The following HECW2 variants were observed in gnomAD, a reference collection of about 807,000 sequenced individuals.
HECW2 encodes HECT, C2 and WW domain containing E3 ubiquitin protein ligase 2, also known as E3 ubiquitin-protein ligase HECW2.
Under a neutral mutation model 175.2 loss-of-function variants are expected in HECW2, and 61 were observed. The observed-to-expected ratio is 0.35, with a 90% confidence interval of 0.28 to 0.43. The LOEUF is 0.43. Among genes scored for constraint, HECW2 ranks in the 20% least tolerant of loss-of-function variants. The pLI is 1.00. For missense variants in HECW2, 1,524 were observed against 2,000.5 expected, an observed-to-expected ratio of 0.76 and a Z score of 4.54; for synonymous variants, 671 against 731.0, an observed-to-expected ratio of 0.92 and a Z score of 1.32.
chr2:196,353,087 T>C (rs973408717), intron 2 of HECW2, among the ~76,000 whole-genome samples: 1 of 152,110 alleles, frequency 6.6e-6, no homozygotes, highest in African/African-American at 2.4e-5. Context: ...CCTCACCCTT[T>C]CCTACTTTCC....
At chr2:196,463,146 T>C (rs1023261360) in intron 1 of HECW2, among the ~76,000 whole-genome samples, 4 of 152,164 alleles carry the variant, frequency 2.6e-5, no homozygotes, top group African/African-American at 4.8e-5. Flanking sequence ...AAAAACCCTG[T>C]TGGGTGTATA....
intron 2 of HECW2, among the ~76,000 whole-genome samples, chr2:196,355,197 T>C (rs1031771666): frequency 1.3e-5 from 2 of 152,220 alleles, no homozygotes; most frequent in Admixed American, 1.3e-4. Context: ...AGGAATGAGG[T>C]GTTCTTTGTA....
chr2:196,227,616 C>T (rs1687901839), intron 22 of HECW2, among the ~76,000 whole-genome samples: 1 of 152,186 alleles, frequency 6.6e-6, no homozygotes, highest in Non-Finnish European at 1.5e-5. Flanking sequence ...ACCATCATTA[C>T]CAGAGTTGAG....
chr2:196,302,722 C>G (rs1323504865), intron 13 of HECW2, among the ~76,000 whole-genome samples: 1 of 152,038 alleles, frequency 6.6e-6, no homozygotes, highest in African/African-American at 2.4e-5. Flanking sequence ...CTCTGCTTGC[C>G]TGTTGTTGGT....
At chr2:196,337,574 A>AT (rs59347400) in intron 3 of HECW2, among the ~76,000 whole-genome samples, 28,886 of 95,226 alleles carry the variant, frequency 0.3, 3,062 homozygotes, top group Middle Eastern at 0.45. Context: ...AAAATAAAAA[A>AT]ATATATATAT....
At chr2:196,539,191 G>A (rs1689122547) in intron 1 of HECW2, among the ~76,000 whole-genome samples, 1 of 152,040 alleles carries the variant, frequency 6.6e-6, no homozygotes, top group Non-Finnish European at 1.5e-5. Flanking sequence ...TAGGATCTCG[G>A]GCAAATCACT....
chr2:196,208,556 A>C (rs1316664888), intron 28 of HECW2, among the ~76,000 whole-genome samples: 1 of 152,184 alleles, frequency 6.6e-6, no homozygotes, highest in Non-Finnish European at 1.5e-5. Flanking sequence ...AAGCCTAGTG[A>C]AGGAAGTAAG....
chr2:196,587,962 C>A (rs1393807909), intron 1 of HECW2, among the ~76,000 whole-genome samples: 1 of 152,134 alleles, frequency 6.6e-6, no homozygotes, highest in Non-Finnish European at 1.5e-5. Context: ...TTTCTCAGGG[C>A]CTTTGCACTG....
chr2:196,210,882 C>G (rs933848798), intron 28 of HECW2, among the ~76,000 whole-genome samples: 9 of 151,912 alleles, frequency 5.9e-5, no homozygotes, highest in African/African-American at 1.7e-4. Flanking sequence ...CCTTGGACTC[C>G]CAAAGTGCTG....
chr2:196,507,188 T>TACGTGTATATTACACACACACTAAC (rs1268219163), intron 1 of HECW2, among the ~76,000 whole-genome samples: 1 of 152,156 alleles, frequency 6.6e-6, no homozygotes, highest in South Asian at 2.1e-4. Context: ...CACACACTAA[T>TACGTGTATATTACACACACACTAAC]ATGTGTATAT....
chr2:196,256,274 T>C (rs1352497847), intron 18 of HECW2, among the ~76,000 whole-genome samples: 2 of 152,178 alleles, frequency 1.3e-5, no homozygotes, highest in Non-Finnish European at 2.9e-5. Context: ...AGAACTATTA[T>C]ATGTAAGAAA....
chr2:196,494,956 T>C (rs1330731718), intron 1 of HECW2, among the ~76,000 whole-genome samples: 1 of 152,210 alleles, frequency 6.6e-6, no homozygotes, highest in Non-Finnish European at 1.5e-5. Flanking sequence ...CTCTGCAAAA[T>C]GCAGATTTCT....
At chr2:196,441,456 T>A (rs1696041874) in intron 1 of HECW2, among the ~76,000 whole-genome samples, 1 of 152,120 alleles carries the variant, frequency 6.6e-6, no homozygotes, top group African/African-American at 2.4e-5. Context: ...TTTTTTACTA[T>A]CTAAATGAGG....
At chr2:196,469,393 CA>C (rs1375705945) in intron 1 of HECW2, among the ~76,000 whole-genome samples, 1 of 151,854 alleles carries the variant, frequency 6.6e-6, no homozygotes, top group Admixed American at 6.6e-5. Flanking sequence ...ACCTCTGCGG[CA>C]AAAGGAGGGA....
At chr2:196,356,146 A>T (rs184121006) in intron 2 of HECW2, among the ~76,000 whole-genome samples, 1 of 152,250 alleles carries the variant, frequency 6.6e-6, no homozygotes, top group East Asian at 1.9e-4. Flanking sequence ...AATAACAATA[A>T]CACTCTCTAG....
At chr2:196,528,498 A>G (rs1304757560) in intron 1 of HECW2, among the ~76,000 whole-genome samples, 1 of 152,234 alleles carries the variant, frequency 6.6e-6, no homozygotes, top group Non-Finnish European at 1.5e-5. Flanking sequence ...TTTCAAAGTC[A>G]GTGGTGAGAA....
At chr2:196,511,443 C>T (rs917449531) in intron 1 of HECW2, among the ~76,000 whole-genome samples, 1 of 152,200 alleles carries the variant, frequency 6.6e-6, no homozygotes, top group Non-Finnish European at 1.5e-5. Flanking sequence ...CTCAAGCCTA[C>T]TTCACTGATA....
At chr2:196,339,611 T>C (rs1057326818) in intron 3 of HECW2, among the ~76,000 whole-genome samples, 5 of 152,026 alleles carry the variant, frequency 3.3e-5, no homozygotes, top group East Asian at 1.9e-4. Flanking sequence ...GATGGACAGA[T>C]GGATGGAAGG....
chr2:196,345,925 G>C (rs1277312613), intron 2 of HECW2, among the ~76,000 whole-genome samples: 1 of 152,204 alleles, frequency 6.6e-6, no homozygotes, highest in South Asian at 2.1e-4. Flanking sequence ...TGGTCACTTG[G>C]AAGGCACAGA....
Sources: allele counts gnomAD v4.1 joint callset (sites outside exome capture counted in the v4.1 genomes callset), GRCh38; gene constraint gnomAD v4.1.1; transcripts MANE v1.5; gene names NCBI Gene and HGNC (gene_info 2026-07-23, HGNC 2026-07-21).